Variants in AHRR observed in about 807,000 individuals in gnomAD.
The protein encoded by AHRR is ahR repressor.
A neutral mutation model predicts 44.0 loss-of-function variants in AHRR; 28 were observed. That is an observed-to-expected ratio of 0.64 (90% CI 0.47 to 0.87). The LOEUF (loss-of-function observed/expected upper bound fraction) is 0.87, where lower values mean the gene tolerates loss of function less well. Ranked by LOEUF, AHRR falls within the 40% of genes least tolerant of loss-of-function variation. AHRR has a pLI of 0.00. For missense variants in AHRR, 990 were observed against 953.9 expected, an observed-to-expected ratio of 1.04 and a Z score of -0.50; for synonymous variants, 434 against 407.0, an observed-to-expected ratio of 1.07 and a Z score of -0.80.
chr5:324,150 C>T (rs1015730833), intron 1 of AHRR, among the ~76,000 whole-genome samples: 12 of 151,760 alleles, frequency 7.9e-5, no homozygotes, highest in Non-Finnish European at 1.6e-4. Context: ...ACCTCTGCCT[C>T]CCAGGTTCAA....
At chr5:416,252 G>A (rs984047047) in intron 5 of AHRR, among the ~76,000 whole-genome samples, 3 of 152,254 alleles carry the variant, frequency 2.0e-5, no homozygotes, top group African/African-American at 7.2e-5. Context: ...AGTGCAGGGT[G>A]GAGACACAGC....
In AHRR at chr5:436,707, C is replaced by G. The variant is rs900127853; in HGVS notation, c.*1873C>G. The G allele has an allele frequency of 2.0e-5, 3 of 152,606 alleles. No homozygotes were observed. The highest frequency in any genetic ancestry group is 2.0e-4 in the Admixed American group (3 of 15,304). The allele number at this position is 152,606 out of a possible 1,614,324, so 9.5% of individuals were successfully genotyped here. On this transcript the variant is annotated 3_prime_UTR_variant, in exon 11 of 11. Coordinates refer to ENST00000684583, the MANE Select transcript of AHRR (RefSeq NM_001377236.1). ...TGCTGTCGTGGGTGTGAGACGTGCT[C>G]ATGGCCTTCCACTGCCATCTCTCCC...
At chr5:396,923 C>G (rs984910339) in intron 4 of AHRR, among the ~76,000 whole-genome samples, 1 of 152,078 alleles carries the variant, frequency 6.6e-6, no homozygotes, top group Non-Finnish European at 1.5e-5. Context: ...TGTCTGGGGC[C>G]CACACCGGCC....
chr5:398,313 G>A (rs966221389), intron 4 of AHRR, among the ~76,000 whole-genome samples: 4 of 151,692 alleles, frequency 2.6e-5, no homozygotes, highest in African/African-American at 4.8e-5. Flanking sequence ...GACCTTCCGC[G>A]TTAGCCCCGA....
intron 5 of AHRR, among the ~76,000 whole-genome samples, chr5:415,679 G>GGGTGGGA (rs1735765923): frequency 6.7e-6 from 1 of 149,622 alleles, no homozygotes; most frequent in Non-Finnish European, 1.5e-5. Context: ...CTGCCTGGTC[G>GGGTGGGA]GGCGGGAGGC....
At chr5:369,304 C>T (rs1369795719) in intron 3 of AHRR, among the ~76,000 whole-genome samples, 1 of 152,210 alleles carries the variant, frequency 6.6e-6, no homozygotes, top group Non-Finnish European at 1.5e-5. Context: ...GGCATTCTGT[C>T]TTAACCCCCT....
chr5:428,178 A>G (rs148618879), intron 8 of AHRR, among the ~76,000 whole-genome samples, 172 bp downstream of exon 8: 2 of 152,370 alleles, frequency 1.3e-5, no homozygotes, highest in African/African-American at 2.4e-5. Context: ...AGATGAAACA[A>G]TGTTTTTCAA....
chr5:397,006 ACGTTAGCCCC>A (rs1734735229), intron 4 of AHRR, among the ~76,000 whole-genome samples: 1 of 147,166 alleles, frequency 6.8e-6, no homozygotes, highest in African/African-American at 2.5e-5. Flanking sequence ...CTGACCATCC[ACGTTAGCCCC>A]TGACCATCCA....
At chr5:422,952 G>C (rs959667783) in intron 6 of AHRR, 94 bp downstream of exon 6, 87 of 1,461,718 alleles carry the variant, frequency 6.0e-5, no homozygotes, top group Non-Finnish European at 7.3e-5. Flanking sequence ...CACCTTCTTG[G>C]TGTGCTTTGC....
intron 4 of AHRR, among the ~76,000 whole-genome samples, chr5:397,604 G>A (rs1419743244): frequency 1.7e-5 from 1 of 57,152 alleles, no homozygotes; most frequent in African/African-American, 9.2e-5. Flanking sequence ...GACCATCCAC[G>A]TAGCTCCTGA....
rs777771533 is a variant in AHRR, at chr5:435,181, G to A, written c.*347G>A. 38 of 267,150 alleles carry A rather than the reference G, an allele frequency of 1.4e-4. 1 individual carries two copies. The highest frequency in any genetic ancestry group is 6.9e-4 in the South Asian group (11 of 15,858). 16.5% of individuals were successfully genotyped at this position (267,150 alleles called of 1,614,324 possible). A position where few individuals can be genotyped will look rare whatever the true frequency, so the allele number is the denominator to read the frequency against. ...CCATGGCTGCCAAGTCCACAGTCGGGGATGAAGCAGTCGGGTGATGCTCCC... is the reference window on the plus strand; with the variant it reads ...CCATGGCTGCCAAGTCCACAGTCGGAGATGAAGCAGTCGGGTGATGCTCCC... On this transcript the variant is annotated 3_prime_UTR_variant, in exon 11 of 11. Transcript: ENST00000684583.
At chr5:432,023 C>A in intron 8 of AHRR, 1 of 159,880 alleles carries the variant, frequency 6.3e-6, no homozygotes, top group Admixed American at 6.3e-5. Flanking sequence ...ATTTAAGATT[C>A]AGATCAGTGT....
At chr5:335,748 A>G (rs1742097318) in intron 1 of AHRR, among the ~76,000 whole-genome samples, 1 of 152,202 alleles carries the variant, frequency 6.6e-6, no homozygotes, top group Non-Finnish European at 1.5e-5. Context: ...ATGCTCCCCC[A>G]TCCTGGCTGT....
At chr5:360,848 C>T (rs1193380756) in intron 3 of AHRR, among the ~76,000 whole-genome samples, 1 of 152,182 alleles carries the variant, frequency 6.6e-6, no homozygotes. Context: ...CTTCTCCTTA[C>T]TGCTTATAGT....
chr5:400,339 G>A (rs762010849), intron 4 of AHRR, among the ~76,000 whole-genome samples: 11 of 152,216 alleles, frequency 7.2e-5, no homozygotes, highest in South Asian at 2.1e-4. Flanking sequence ...CATTCCCTGC[G>A]GTCCCTGGGG....
At chr5:429,147 C>G (rs547019085) in intron 8 of AHRR, among the ~76,000 whole-genome samples, 1 of 152,350 alleles carries the variant, frequency 6.6e-6, no homozygotes, top group East Asian at 1.9e-4. Context: ...AATGCTGTGC[C>G]TATAGAAACT....
At chr5:399,372 C>T (rs180683241) in intron 4 of AHRR, among the ~76,000 whole-genome samples, 24 of 152,350 alleles carry the variant, frequency 1.6e-4, no homozygotes, top group African/African-American at 5.1e-4. Flanking sequence ...TTGTGAAGTG[C>T]GTTTCACACT....
At chr5:421,316 C>A (rs906377600) in intron 5 of AHRR, 2 of 696,742 alleles carry the variant, frequency 2.9e-6, no homozygotes, top group Non-Finnish European at 5.2e-6. Flanking sequence ...CCCCCACGGT[C>A]GCGATGCGGG....
chr5:364,704 A>G (rs959230024), intron 3 of AHRR, among the ~76,000 whole-genome samples: 29 of 152,174 alleles, frequency 1.9e-4, no homozygotes, highest in African/African-American at 6.8e-4. Flanking sequence ...CATAACAACT[A>G]AAAGATAAAG....
Sources: gnomAD v4.1 joint callset for allele counts (sites outside exome capture counted in the v4.1 genomes callset) on GRCh38, gnomAD v4.1.1 for gene constraint, MANE v1.5 for transcripts, NCBI Gene and HGNC (gene_info 2026-07-23, HGNC 2026-07-21) for gene names.